SMIM13: variants seen among roughly 807,000 people sequenced by gnomAD.
SMIM13 encodes the protein small integral membrane protein 13.
A neutral mutation model predicts 5.9 loss-of-function variants in SMIM13; 3 were observed. The ratio of observed to expected loss-of-function variants is 0.51; its 90% CI spans 0.23 to 1.31. The LOEUF is 1.31. SMIM13 is among the 40% of genes most tolerant of loss of function. The pLI is 0.18. For synonymous variants in SMIM13, 55 were observed against 46.0 expected, an observed-to-expected ratio of 1.19 and a Z score of -0.79; for missense variants, 85 against 109.9, an observed-to-expected ratio of 0.77 and a Z score of 1.01.
At chr6:11,109,556 A>G (rs1041753625) in intron 1 of SMIM13, among the ~76,000 whole-genome samples, 8 of 152,334 alleles carry the variant, frequency 5.3e-5, no homozygotes, top group Non-Finnish European at 7.4e-5. Flanking sequence ...TACAAGCCCA[A>G]CAAAGGTCAG....
chr6:11,094,600 G>A (rs1308057546), intron 1 of SMIM13, among the ~76,000 whole-genome samples: 1 of 152,222 alleles, frequency 6.6e-6, no homozygotes, highest in Non-Finnish European at 1.5e-5. Flanking sequence ...GGAGGGAAAG[G>A]ACAGGCTCCA....
intron 1 of SMIM13, among the ~76,000 whole-genome samples, chr6:11,095,638 C>T (rs1229143397): frequency 1.3e-5 from 2 of 152,238 alleles, no homozygotes; most frequent in African/African-American, 4.8e-5. Context: ...AGGCATGAGT[C>T]ACTGCATCCG....
At chr6:11,120,157 C>G (rs1758291740) in intron 1 of SMIM13, among the ~76,000 whole-genome samples, 1 of 152,208 alleles carries the variant, frequency 6.6e-6, no homozygotes, top group South Asian at 2.1e-4. Context: ...TATAACTCCA[C>G]TGGAATGATT....
rs534671700 is a variant in SMIM13 at position 11,094,160 on chromosome 6, C to T, written c.-154C>T. 31 of 166,242 alleles carry T rather than the reference C, an allele frequency of 1.9e-4. No homozygotes were observed. The highest frequency in any genetic ancestry group is 8.6e-5 in the Non-Finnish European group (7 of 81,218). The allele number at this position is 166,242 out of a possible 1,614,324, so 10.3% of individuals were successfully genotyped here. A position where few individuals can be genotyped will look rare whatever the true frequency, so the allele number is the denominator to read the frequency against. On this transcript the variant is annotated 5_prime_UTR_variant, in exon 1 of 2. Coordinates refer to ENST00000416247, the MANE Select transcript of SMIM13 (RefSeq NM_001135575.2). ...TGCCCGCCTTTGCGCCGCCCCACCC[C>T]CTGGGGGCGCTGCCGAGGGGGCGCC...
At chr6:11,096,192 G>A (rs980311999) in intron 1 of SMIM13, among the ~76,000 whole-genome samples, 2 of 152,144 alleles carry the variant, frequency 1.3e-5, no homozygotes, top group Admixed American at 6.5e-5. Flanking sequence ...TTCCACAGAC[G>A]GAGCAGGGAT....
chr6:11,101,646 G>A (rs1757992839), intron 1 of SMIM13, among the ~76,000 whole-genome samples: 1 of 152,052 alleles, frequency 6.6e-6, no homozygotes, highest in Admixed American at 6.6e-5. Context: ...TTCTCATGCT[G>A]ATTTGATTCC....
intron 1 of SMIM13, among the ~76,000 whole-genome samples, chr6:11,097,684 AC>A (rs1757943342): frequency 6.8e-6 from 1 of 147,228 alleles, no homozygotes; most frequent in Non-Finnish European, 1.5e-5. Context: ...AAAAAAAAAA[AC>A]CTTATCTCCA....
Position 11,138,174 on chromosome 6 carries a change from T to C in SMIM13, c.*3572T>C, listed in dbSNP as rs562982641. 2.7e-4 allele frequency: 41 copies of C among 152,270 alleles called. 1 individual carries two copies. The highest frequency in any genetic ancestry group is 8.4e-4 in the African/African-American group (35 of 41,568). 9.4% of individuals were successfully genotyped at this position (152,270 alleles called of 1,614,324 possible). On this transcript the variant is annotated 3_prime_UTR_variant, in exon 2 of 2. Transcript: ENST00000416247. ...TGGTAAACTTAAAGTGCTTTTTATA[T>C]TTGAGGTTGACTTTAAAAAGCCATT... is the stretch of plus-strand genomic sequence containing the variant.
chr6:11,113,917 T>C (rs1220316528), intron 1 of SMIM13, among the ~76,000 whole-genome samples: 1 of 151,978 alleles, frequency 6.6e-6, no homozygotes, highest in Admixed American at 6.6e-5. Flanking sequence ...GTGTTGTTAT[T>C]GTTTGATAAG....
chr6:11,119,991 T>A (rs1341282783), intron 1 of SMIM13, among the ~76,000 whole-genome samples: 1 of 152,194 alleles, frequency 6.6e-6, no homozygotes, highest in Non-Finnish European at 1.5e-5. Flanking sequence ...CATTTAGGAT[T>A]TGGACATACT....
intron 1 of SMIM13, among the ~76,000 whole-genome samples, chr6:11,121,849 C>T (rs917319235): frequency 1.3e-5 from 2 of 152,218 alleles, no homozygotes; most frequent in Non-Finnish European, 2.9e-5. Flanking sequence ...CCATGGTCCT[C>T]CTGCAGCATT....
chr6:11,097,468 C>T (rs1757940289), intron 1 of SMIM13, among the ~76,000 whole-genome samples: 1 of 151,308 alleles, frequency 6.6e-6, no homozygotes, highest in Non-Finnish European at 1.5e-5. Flanking sequence ...CCAGCCTGGC[C>T]AACATGGCGA....
At chr6:11,101,239 A>G (rs979059607) in intron 1 of SMIM13, among the ~76,000 whole-genome samples, 39 of 151,950 alleles carry the variant, frequency 2.6e-4, no homozygotes, top group African/African-American at 9.4e-4. Context: ...TGGTTGTTCT[A>G]TGTTTAGCGT....
intron 1 of SMIM13, among the ~76,000 whole-genome samples, chr6:11,099,704 A>G (rs1022343352): frequency 2.0e-5 from 3 of 152,210 alleles, no homozygotes; most frequent in Non-Finnish European, 2.9e-5. Flanking sequence ...ATCTCAATAC[A>G]ACAGATAAGA....
chr6:11,116,008 CTTTTTTTTTTTTTTTTTT>C (rs35527082), intron 1 of SMIM13, among the ~76,000 whole-genome samples: 1 of 78,490 alleles, frequency 1.3e-5, no homozygotes, highest in African/African-American at 5.2e-5. Context: ...CTTCCTTCCT[CTTTTTTTTTTTTTTTTTT>C]TTTTTTTTTT....
chr6:11,121,528 A>G (rs1412806629), intron 1 of SMIM13, among the ~76,000 whole-genome samples: 3 of 152,082 alleles, frequency 2.0e-5, no homozygotes, highest in African/African-American at 7.2e-5. Flanking sequence ...CAGAGTCCGG[A>G]TTAGGTTGGT....
intron 1 of SMIM13, among the ~76,000 whole-genome samples, chr6:11,116,008 CTTTTTTTTTTTTTTTTT>C (rs35527082): frequency 6.4e-5 from 5 of 78,530 alleles, no homozygotes; most frequent in African/African-American, 5.2e-5. Context: ...CTTCCTTCCT[CTTTTTTTTTTTTTTTTT>C]TTTTTTTTTT....
At chr6:11,130,756 A>G (rs1758442420) in intron 1 of SMIM13, among the ~76,000 whole-genome samples, 1 of 152,190 alleles carries the variant, frequency 6.6e-6, no homozygotes, top group African/African-American at 2.4e-5. Context: ...TCTGAAAGCT[A>G]CAGCTGTCCT....
chr6:11,119,421 G>A (rs1424643303), intron 1 of SMIM13, among the ~76,000 whole-genome samples: 1 of 152,124 alleles, frequency 6.6e-6, no homozygotes, highest in African/African-American at 2.4e-5. Flanking sequence ...TTGGGAAGCC[G>A]AGACAGGCGA....
Sources: allele counts gnomAD v4.1 joint callset (sites outside exome capture counted in the v4.1 genomes callset), GRCh38; gene constraint gnomAD v4.1.1; transcripts MANE v1.5; gene names NCBI Gene and HGNC (gene_info 2026-07-23, HGNC 2026-07-21).